Variants in BLK observed in about 807,000 individuals in gnomAD.
BLK encodes the protein tyrosine-protein kinase Blk.
BLK carries 64 observed loss-of-function variants against 61.8 expected under a neutral mutation model. The ratio of observed to expected loss-of-function variants is 1.03; its 90% CI spans 0.85 to 1.27. The LOEUF (loss-of-function observed/expected upper bound fraction) is 1.27, where lower values mean the gene tolerates loss of function less well. Among genes scored for constraint, BLK ranks in the 50% most tolerant of loss-of-function variants. The pLI, the probability that BLK is intolerant of heterozygous loss-of-function variation, is 0.00. For missense variants in BLK, 853 were observed against 660.5 expected (o/e 1.29, Z -3.19); for synonymous variants, 351 against 272.0 (o/e 1.29, Z -2.86).
At chr8:11,544,781 G>T (rs2117458543) in intron 2 of BLK, among the ~76,000 whole-genome samples, 1 of 152,198 alleles carries the variant, frequency 6.6e-6, no homozygotes, top group South Asian at 2.1e-4. Flanking sequence ...ACATCATTTT[G>T]CAAAATGCTA....
At chr8:11,535,219 G>C (rs1483050042) in intron 1 of BLK, among the ~76,000 whole-genome samples, 1 of 120,770 alleles carries the variant, frequency 8.3e-6, no homozygotes, top group Non-Finnish European at 1.7e-5. Flanking sequence ...AAGAAAGAGA[G>C]AGAAAGAAAG....
rs948594149 is a variant in BLK, at chr8:11,502,907, T to A, written c.-2+8316T>A. ...CCTGTGGGCCTGGATGGAGAACCTG[T>A]CCCCATGGCTGTCATGTCCCTACAC... On this transcript the variant is annotated intron_variant, in intron 1 of 12. Coordinates refer to ENST00000259089, the MANE Select transcript of BLK (RefSeq NM_001715.3). Among the ~76,000 whole-genome samples, 43 of 152,244 alleles carry A rather than the reference T, an allele frequency of 2.8e-4. 1 individual carries two copies. The Middle Eastern group carries it at 0.01, about 36-fold the overall frequency.
chr8:11,556,713 G>T lies in BLK; in HGVS notation c.828G>T (p.Met276Ile), dbSNP rs1585414414. ...VAIKTLKEGT[M>I]SPEAFLGEAN... ...TTAAGACGCTGAAGGAGGGAACCAT[G>T]TCTCCAGAAGCCTTTCTGGGTGAGG... The change falls in exon 9 of 13, where the codon ATG (methionine) becomes ATT (isoleucine). Residue 276 changes from methionine to isoleucine, a missense_variant. Met to Ile is a conservative substitution (Grantham distance 10). Transcript: ENST00000259089. 6.2e-7 allele frequency: 1 copy of T among 1,614,180 alleles called. No individual in the cohort carries two copies. Among genetic ancestry groups the T allele is most frequent in the African/African-American group, 1.3e-5 (1 of 75,040 alleles).
At chr8:11,505,132 G>A (rs1339627132) in intron 1 of BLK, among the ~76,000 whole-genome samples, 2 of 152,220 alleles carry the variant, frequency 1.3e-5, no homozygotes, top group East Asian at 3.9e-4. Context: ...ACATCTACAT[G>A]CTTATCAAAA....
intron 11 of BLK, 32 bp from the exon 12 acceptor site, chr8:11,562,947 G>T (rs754040475): frequency 6.2e-7 from 1 of 1,613,458 alleles, no homozygotes; most frequent in Non-Finnish European, 8.5e-7. Flanking sequence ...ACCGGCCGTG[G>T]CCTCCCAAAG....
rs138688841 is a variant in BLK, at chr8:11,562,533, C to T, written c.1181-446C>T. On this transcript the variant is annotated intron_variant, in intron 11 of 12. Transcript: ENST00000259089. Reference sequence around the variant, plus strand: ...GCCGGATGTGAGTTCTTCCTCATAGCGGCCCTCGGAGGTACAAGTGTCACC... The same window carrying T: ...GCCGGATGTGAGTTCTTCCTCATAGTGGCCCTCGGAGGTACAAGTGTCACC... Among the ~76,000 whole-genome samples the T allele has an allele frequency of 8.9e-4, 135 of 152,294 alleles. 2 individuals are homozygous for T. Among genetic ancestry groups the T allele is most frequent in the Middle Eastern group, 3.4e-3 (1 of 294 alleles).
chr8:11,497,656 A>G (rs916623211), intron 1 of BLK, among the ~76,000 whole-genome samples: 10 of 152,226 alleles, frequency 6.6e-5, no homozygotes, highest in African/African-American at 2.2e-4. Context: ...AAAACCTTAA[A>G]TGAAAATCAA....
At chr8:11,498,182 C>T (rs142362356) in intron 1 of BLK, among the ~76,000 whole-genome samples, 116 of 152,340 alleles carry the variant, frequency 7.6e-4, no homozygotes, top group African/African-American at 2.7e-3. Flanking sequence ...GCAAACAAGA[C>T]ACACCTGGGA....
intron 1 of BLK, among the ~76,000 whole-genome samples, chr8:11,522,033 G>A (rs549396186): frequency 2.6e-5 from 4 of 152,244 alleles, no homozygotes; most frequent in South Asian, 4.1e-4. Flanking sequence ...TCTTAATGAT[G>A]AGTCCTCCTA....
rs963991259 is a variant in BLK, at chr8:11,564,249, G to T, written c.*141G>T. On this transcript the variant is annotated 3_prime_UTR_variant, in exon 13 of 13. Transcript: ENST00000259089. ...GAATCCAGTGGGCAGAGGCAGCTTC[G>T]CAGGGGGTCCCCGGACGGACTCCTT... 3.7e-5 allele frequency: 38 copies of T among 1,037,820 alleles called. No individual in the cohort carries two copies. Among genetic ancestry groups the T allele is most frequent in the Non-Finnish European group, 4.9e-5 (34 of 696,148 alleles). 64.3% of individuals were successfully genotyped at this position (1,037,820 alleles called of 1,614,324 possible).
At chr8:11,536,215 T>A (rs988805758) in intron 1 of BLK, among the ~76,000 whole-genome samples, 1 of 152,108 alleles carries the variant, frequency 6.6e-6, no homozygotes, top group African/African-American at 2.4e-5. Context: ...AAATGCAAAA[T>A]ATGGGGTGGT....
chr8:11,497,847 T>C (rs900195354), intron 1 of BLK, among the ~76,000 whole-genome samples: 2 of 152,166 alleles, frequency 1.3e-5, no homozygotes, highest in Non-Finnish European at 2.9e-5. Context: ...CAGTGTGGTA[T>C]AGATGAAAGC....
intron 1 of BLK, among the ~76,000 whole-genome samples, chr8:11,515,954 T>C (rs1288821200): frequency 6.6e-6 from 1 of 152,230 alleles, no homozygotes. Flanking sequence ...TTTTGTATCC[T>C]GGTGTGGGGA....
chr8:11,534,734 C>A (rs1800040703), intron 1 of BLK, among the ~76,000 whole-genome samples: 1 of 152,208 alleles, frequency 6.6e-6, no homozygotes, highest in African/African-American at 2.4e-5. Flanking sequence ...CTAAAAGTCA[C>A]AGGTTGGCAT....
chr8:11,555,386 C>G lies in BLK; in HGVS notation c.674C>G (p.Pro225Arg). Residue 225 changes from proline (P) to arginine (R), a missense_variant, in exon 8 of 13, where the codon CCG (proline) becomes CGG (arginine). Pro to Arg is a moderately radical substitution (Grantham distance 103). Coordinates refer to ENST00000259089, the MANE Select transcript of BLK (RefSeq NM_001715.3). ...RLTLPCVRPA[P>R]QNPWAQDEWE... ...ACCCTGCCCTGTGTGCGCCCGGCCC[C>G]GCAGAATCCCTGGGCCCAGGATGAA... 6.2e-7 allele frequency: 1 copy of G among 1,614,152 alleles called. No individual in the cohort carries two copies. The highest frequency in any genetic ancestry group is 8.5e-7 in the Non-Finnish European group (1 of 1,180,030).
At chr8:11,544,923 C>G (rs1224839758) in intron 2 of BLK, among the ~76,000 whole-genome samples, 5 of 152,200 alleles carry the variant, frequency 3.3e-5, no homozygotes, top group African/African-American at 4.8e-5. Flanking sequence ...AGACTCGTTC[C>G]TTTGAATCTC....
intron 1 of BLK, among the ~76,000 whole-genome samples, chr8:11,535,841 G>A (rs1232507815): frequency 1.3e-5 from 2 of 152,230 alleles, no homozygotes; most frequent in African/African-American, 4.8e-5. Flanking sequence ...GTAACTCTAT[G>A]TGTAAGAAGG....
At position 11,563,000 on chromosome 8, in the gene BLK, G is replaced by C; in HGVS notation, c.1202G>C (p.Trp401Ser). The C allele has an allele frequency of 6.2e-7, 1 of 1,614,128 alleles. No homozygotes were observed. The highest frequency in any genetic ancestry group is 8.5e-7 in the Non-Finnish European group (1 of 1,180,022). The change falls in exon 12 of 13, where the codon TGG (tryptophan) becomes TCG (serine). Residue 401 changes from tryptophan to serine, a missense_variant. Trp to Ser is a radical substitution (Grantham distance 177, BLOSUM62 -3). Coordinates refer to ENST00000259089, the MANE Select transcript of BLK (RefSeq NM_001715.3). ...AQEGAKFPIK[W>S]TAPEAIHFGV... ...ACAGGGGCCAAGTTCCCCATCAAGTGGACAGCCCCGGAAGCCATCCACTTC... is the reference window on the plus strand; with the variant it reads ...ACAGGGGCCAAGTTCCCCATCAAGTCGACAGCCCCGGAAGCCATCCACTTC...
rs536100447 is a variant in BLK at position 11,557,269 on chromosome 8, G to C, written c.952+432G>C. ...AAGGATGGCCAGAGAGGTTGGGCTTGATGGCCTCTGAGGTCCACGGCGTGG... is the reference window on the plus strand; with the variant it reads ...AAGGATGGCCAGAGAGGTTGGGCTTCATGGCCTCTGAGGTCCACGGCGTGG... On this transcript the variant is annotated intron_variant, in intron 9 of 12. Transcript: ENST00000259089. Among the ~76,000 whole-genome samples, 5 of 152,322 alleles carry C rather than the reference G, an allele frequency of 3.3e-5. No individual in the cohort carries two copies. The South Asian group carries it at 8.3e-4, about 25-fold the overall frequency.
Sources: gnomAD v4.1 joint callset for allele counts (sites outside exome capture counted in the v4.1 genomes callset) on GRCh38, gnomAD v4.1.1 for gene constraint, MANE v1.5 for transcripts, NCBI Gene and HGNC (gene_info 2026-07-23, HGNC 2026-07-21) for gene names.